The following CNTN1 variants were observed in gnomAD, a reference collection of about 807,000 sequenced individuals.
CNTN1 encodes contactin 1.
Under a neutral mutation model 126.4 loss-of-function variants are expected in CNTN1, and 38 were observed. The observed-to-expected ratio is 0.30, with a 90% CI of 0.23 to 0.39. The LOEUF is 0.39. CNTN1 is among the 10% of genes least tolerant of loss of function. CNTN1 has a pLI of 1.00. For synonymous variants in CNTN1, 413 were observed against 422.6 expected (o/e 0.98, Z 0.28); for missense variants, 1,009 against 1,248.4 (o/e 0.81, Z 2.89).
At chr12:40,925,443 T>C (rs1224267929) in intron 6 of CNTN1, among the ~76,000 whole-genome samples, 1 of 151,194 alleles carries the variant, frequency 6.6e-6, no homozygotes, top group Non-Finnish European at 1.5e-5. Flanking sequence ...GGATTTTGTG[T>C]GGGATACATC....
intron 1 of CNTN1, among the ~76,000 whole-genome samples, chr12:40,761,586 G>GT (rs778866285): frequency 1.2e-4 from 19 of 152,022 alleles, no homozygotes; most frequent in South Asian, 2.1e-4. Context: ...AAAAGGTAAG[G>GT]TTTTTTTAAA....
chr12:41,010,666 GA>G (rs1298230636), intron 17 of CNTN1, among the ~76,000 whole-genome samples: 2 of 152,188 alleles, frequency 1.3e-5, no homozygotes, highest in African/African-American at 4.8e-5. Flanking sequence ...TGATTCAGGG[GA>G]TAAAGGTATG....
chr12:40,719,235 T>C (rs1942129116), intron 1 of CNTN1, among the ~76,000 whole-genome samples: 1 of 152,162 alleles, frequency 6.6e-6, no homozygotes, highest in South Asian at 2.1e-4. Context: ...TTTTATAATA[T>C]TAGAGTTTGC....
At chr12:40,874,125 G>A (rs74608681) in intron 1 of CNTN1, among the ~76,000 whole-genome samples, 14,808 of 152,014 alleles carry the variant, frequency 0.097, 850 homozygotes, top group Non-Finnish European at 0.13. Context: ...CCCAACCCAT[G>A]TATTCTTGGG....
rs200237008 is a variant in CNTN1 at position 41,002,554 on chromosome 12, C to CTTTTTT, written c.2113+9288_2113+9289insTTTTTT. Among the ~76,000 whole-genome samples, 11 of 131,504 alleles carry CTTTTTT rather than the reference C, an allele frequency of 8.4e-5. 1 individual carries two copies. The highest frequency in any genetic ancestry group is 9.5e-5 in the Non-Finnish European group (6 of 63,126). The allele number at this position is 131,504 out of a possible 152,430, so 86.3% of individuals were successfully genotyped here. On this transcript the variant is annotated intron_variant, in intron 17 of 23. Coordinates refer to ENST00000551295, the MANE Select transcript of CNTN1 (RefSeq NM_001843.4). ...CTTTTGGGCTGAGACTATAGGGTTT[C>CTTTTTT]TTTCTTTTTTTTTTTTTTTTTGAGA...
chr12:40,946,243 A>G (rs1444737893), intron 14 of CNTN1, among the ~76,000 whole-genome samples: 3 of 152,140 alleles, frequency 2.0e-5, no homozygotes, highest in Non-Finnish European at 4.4e-5. Flanking sequence ...AAAACGCTAT[A>G]AATATTTGAT....
intron 1 of CNTN1, among the ~76,000 whole-genome samples, chr12:40,722,363 T>G (rs1942237937): frequency 6.6e-6 from 1 of 152,210 alleles, no homozygotes; most frequent in Admixed American, 6.6e-5. Context: ...TTATATGTTG[T>G]TATTCCAAAC....
chr12:40,991,338 A>T (rs1220307437), intron 16 of CNTN1, among the ~76,000 whole-genome samples: 2 of 150,838 alleles, frequency 1.3e-5, no homozygotes, highest in Non-Finnish European at 2.9e-5. Context: ...ATTTAGGATA[A>T]TCCTACCCTA....
At chr12:40,694,699 T>C (rs1266452222) in intron 1 of CNTN1, among the ~76,000 whole-genome samples, 1 of 152,226 alleles carries the variant, frequency 6.6e-6, no homozygotes, top group Non-Finnish European at 1.5e-5. Flanking sequence ...TGAAGATAAA[T>C]TATTTAATCT....
intron 1 of CNTN1, among the ~76,000 whole-genome samples, chr12:40,737,219 G>A (rs1592029966): frequency 2.0e-5 from 3 of 150,868 alleles, no homozygotes; most frequent in South Asian, 4.2e-4. Context: ...TGAAAAGATA[G>A]GAAAATAAAT....
intron 1 of CNTN1, among the ~76,000 whole-genome samples, chr12:40,869,802 G>A (rs1223618054): frequency 6.6e-6 from 1 of 152,066 alleles, no homozygotes; most frequent in Non-Finnish European, 1.5e-5. Flanking sequence ...GAAGATATTG[G>A]AATGGAAATT....
intron 1 of CNTN1, among the ~76,000 whole-genome samples, chr12:40,862,404 T>A (rs1943145324): frequency 6.6e-6 from 1 of 152,168 alleles, no homozygotes; most frequent in Non-Finnish European, 1.5e-5. Context: ...AAAATGTGGG[T>A]TTCCCTTTAT....
chr12:40,986,419 T>C (rs1947955354), intron 16 of CNTN1, among the ~76,000 whole-genome samples: 1 of 152,184 alleles, frequency 6.6e-6, no homozygotes, highest in Non-Finnish European at 1.5e-5. Context: ...TGAGCATTGT[T>C]AGATTCAGTT....
At chr12:40,980,341 G>T (rs778612281) in intron 15 of CNTN1, among the ~76,000 whole-genome samples, 3 of 151,838 alleles carry the variant, frequency 2.0e-5, no homozygotes, top group Admixed American at 2.0e-4. Flanking sequence ...CTACTTGGGC[G>T]GCTGAGCTGG....
At chr12:40,854,772 C>T (rs541756163) in intron 1 of CNTN1, among the ~76,000 whole-genome samples, 3 of 152,048 alleles carry the variant, frequency 2.0e-5, no homozygotes, top group Non-Finnish European at 4.4e-5. Context: ...GAATTGAGAC[C>T]TAAGTGATAA....
At chr12:40,823,488 A>G (rs546924308) in intron 1 of CNTN1, among the ~76,000 whole-genome samples, 1 of 152,370 alleles carries the variant, frequency 6.6e-6, no homozygotes, top group African/African-American at 2.4e-5. Flanking sequence ...TGATCAAATT[A>G]AATCAGTTTA....
intron 1 of CNTN1, among the ~76,000 whole-genome samples, chr12:40,730,721 G>A (rs1942476420): frequency 1.3e-5 from 2 of 152,124 alleles, no homozygotes; most frequent in African/African-American, 4.8e-5. Flanking sequence ...TATCATAGTT[G>A]TAAGAGAATA....
At position 40,933,854 on chromosome 12, in the gene CNTN1, C is replaced by T. The variant is rs746444600; in HGVS notation, c.961C>T (p.His321Tyr). ...TGAGAACATTAGAGGAAAGGATAAA[C>T]ATCAAGCAAGAATTTATGTTCAAGG... The part of the protein sequence containing the change: ...EAENIRGKDK[H>Y]QARIYVQAFP... The change falls in exon 9 of 24, where the codon CAT becomes TAT. Residue 321 changes from histidine (H) to tyrosine (Y), a missense_variant. Physicochemically the swap from His to Tyr is moderately conservative, Grantham distance 83 (BLOSUM62 2). Transcript: ENST00000551295. The T allele has an allele frequency of 2.5e-6, 4 of 1,611,908 alleles. No individual in the cohort carries two copies. The South Asian group carries it at 3.3e-5, about 13-fold the overall frequency.
At chr12:40,926,975 A>G (rs1475565606) in intron 6 of CNTN1, among the ~76,000 whole-genome samples, 1 of 152,114 alleles carries the variant, frequency 6.6e-6, no homozygotes, top group Non-Finnish European at 1.5e-5. Flanking sequence ...AATGTGAAGC[A>G]TCTGTTAAGC....
Sources: allele counts gnomAD v4.1 joint callset (sites outside exome capture counted in the v4.1 genomes callset), GRCh38; gene constraint gnomAD v4.1.1; transcripts MANE v1.5; gene names NCBI Gene and HGNC (gene_info 2026-07-23, HGNC 2026-07-21).